The following NEK11 variants were observed in gnomAD, a reference collection of about 807,000 sequenced individuals.
The protein encoded by NEK11 is NIMA related kinase 11.
A neutral mutation model predicts 80.7 loss-of-function variants in NEK11; 72 were observed. The observed-to-expected ratio is 0.89, with a 90% confidence interval of 0.74 to 1.08. The LOEUF is 1.08. NEK11 is among the 50% of genes least tolerant of loss of function. The pLI, the probability that NEK11 is intolerant of heterozygous loss-of-function variation, is 0.00. For synonymous variants in NEK11, 251 were observed against 260.7 expected (o/e 0.96, Z 0.36); for missense variants, 764 against 763.6 (o/e 1.00, Z -0.01).
At chr3:131,245,808 T>C (rs936070249) in intron 16 of NEK11, among the ~76,000 whole-genome samples, 20 of 152,074 alleles carry the variant, frequency 1.3e-4, no homozygotes, top group African/African-American at 4.1e-4. Flanking sequence ...GGGGTTTTTT[T>C]GTTTTTTGTT....
chr3:131,247,119 T>C (rs2095615670), intron 16 of NEK11, among the ~76,000 whole-genome samples: 1 of 152,146 alleles, frequency 6.6e-6, no homozygotes, highest in Non-Finnish European at 1.5e-5. Context: ...GCTTTTTAGT[T>C]TAATTAAGTC....
chr3:131,255,195 A>G, intron 16 of NEK11, among the ~76,000 whole-genome samples: 1 of 152,210 alleles, frequency 6.6e-6, no homozygotes, highest in East Asian at 1.9e-4. Flanking sequence ...CTTGGCTCAT[A>G]ATGTAGTTAC....
At chr3:131,335,852 T>C (rs1321449357) in intron 17 of NEK11, among the ~76,000 whole-genome samples, 1 of 152,056 alleles carries the variant, frequency 6.6e-6, no homozygotes, top group Non-Finnish European at 1.5e-5. Flanking sequence ...AAATCATGAG[T>C]GAACTCCCAT....
chr3:131,282,273 G>T (rs1031183210), intron 17 of NEK11, among the ~76,000 whole-genome samples: 1 of 152,142 alleles, frequency 6.6e-6, no homozygotes, highest in Admixed American at 6.5e-5. Flanking sequence ...TCAGACATTA[G>T]TCTGGCATTA....
intron 4 of NEK11, among the ~76,000 whole-genome samples, chr3:131,096,515 A>C (rs1024998490): frequency 4.6e-5 from 7 of 152,034 alleles, no homozygotes; most frequent in Admixed American, 1.3e-4. Flanking sequence ...TTTTGGTAGA[A>C]TGATCTATTT....
chr3:131,342,635 G>A (rs1312249173), intron 17 of NEK11, among the ~76,000 whole-genome samples: 9 of 150,618 alleles, frequency 6.0e-5, no homozygotes, highest in Non-Finnish European at 5.9e-5. Context: ...AATTGTTTGA[G>A]GCTTCCAGTT....
intron 3 of NEK11, among the ~76,000 whole-genome samples, chr3:131,062,632 G>C: frequency 6.6e-6 from 1 of 152,148 alleles, no homozygotes; most frequent in East Asian, 1.9e-4. Flanking sequence ...GTGACTATAG[G>C]TAAGTCTTTT....
At position 131,205,987 on chromosome 3, in the gene NEK11, T is replaced by C. The variant is rs146236027; in HGVS notation, c.1400-22541T>C. ...TGTTGTCTGTGTCACAGGATAACCA[T>C]GGAATCACTGCGTATAAGTAAGGAA... On this transcript the variant is annotated intron_variant, in intron 14 of 17. Coordinates refer to ENST00000383366, the MANE Select transcript of NEK11 (RefSeq NM_024800.5). Among the ~76,000 whole-genome samples, 516 of 152,338 alleles carry C rather than the reference T, an allele frequency of 3.4e-3. 2 individuals are homozygous for C. The highest frequency in any genetic ancestry group is 0.011 in the African/African-American group (474 of 41,560).
At chr3:131,083,270 T>A (rs1006383733) in intron 4 of NEK11, among the ~76,000 whole-genome samples, 1 of 152,258 alleles carries the variant, frequency 6.6e-6, no homozygotes, top group African/African-American at 2.4e-5. Flanking sequence ...TTGCAGAGGA[T>A]CTCATCCGGA....
chr3:131,302,851 A>T (rs1032507495), intron 17 of NEK11, among the ~76,000 whole-genome samples: 2 of 152,104 alleles, frequency 1.3e-5, no homozygotes, highest in African/African-American at 4.8e-5. Flanking sequence ...AGTTCTGTAG[A>T]TGTCTGTCGG....
chr3:131,080,486 G>A lies in NEK11; in HGVS notation c.234G>A (p.Leu78=), dbSNP rs915955929. ...LNPNETVQAN[L]EAQLLSKLDH... Reference sequence around the variant, plus strand: ...CAAATGAAACTGTACAGGCCAATTTGGAAGCCCAACTCCTCTCCAAGCTGG... The same window carrying A: ...CAAATGAAACTGTACAGGCCAATTTAGAAGCCCAACTCCTCTCCAAGCTGG... Residue 78 remains leucine, a synonymous_variant, in exon 4 of 18, where the codon TTG becomes TTA. Coordinates refer to ENST00000383366, the MANE Select transcript of NEK11 (RefSeq NM_024800.5). 1 of 1,613,868 alleles carries A rather than the reference G, an allele frequency of 6.2e-7. No individual in the cohort carries two copies. The highest frequency in any genetic ancestry group is 8.5e-7 in the Non-Finnish European group (1 of 1,179,940).
intron 16 of NEK11, among the ~76,000 whole-genome samples, chr3:131,244,982 T>C (rs1235514818): frequency 2.0e-5 from 3 of 152,082 alleles, no homozygotes; most frequent in Admixed American, 6.6e-5. Context: ...GCAGTTTTCT[T>C]ACACAGATAT....
chr3:131,171,319 T>A (rs1046973279), intron 14 of NEK11, among the ~76,000 whole-genome samples: 1 of 152,152 alleles, frequency 6.6e-6, no homozygotes, highest in Non-Finnish European at 1.5e-5. Flanking sequence ...AAAATAAAAG[T>A]GCTCAGAGCA....
intron 14 of NEK11, among the ~76,000 whole-genome samples, chr3:131,197,614 A>G (rs2094070587): frequency 1.3e-5 from 2 of 152,162 alleles, no homozygotes; most frequent in Non-Finnish European, 2.9e-5. Flanking sequence ...TCTGATGGGT[A>G]CTATCAATGC....
At chr3:131,202,776 A>G (rs575813120) in intron 14 of NEK11, among the ~76,000 whole-genome samples, 2 of 152,348 alleles carry the variant, frequency 1.3e-5, no homozygotes, top group East Asian at 3.9e-4. Flanking sequence ...AAGGATATGA[A>G]CAGACACTTC....
At chr3:131,084,065 A>G (rs1314338488) in intron 4 of NEK11, among the ~76,000 whole-genome samples, 4 of 152,126 alleles carry the variant, frequency 2.6e-5, no homozygotes, top group Non-Finnish European at 1.5e-5. Flanking sequence ...TCTCATAATC[A>G]AAGTTTCCAA....
chr3:131,124,507 C>A (rs568811827), intron 5 of NEK11, among the ~76,000 whole-genome samples: 1 of 152,090 alleles, frequency 6.6e-6, no homozygotes, highest in East Asian at 1.9e-4. Flanking sequence ...CTACACCCCC[C>A]ACTTCCTTTA....
chr3:131,200,220 G>A (rs1426225763), intron 14 of NEK11, among the ~76,000 whole-genome samples: 1 of 152,158 alleles, frequency 6.6e-6, no homozygotes, highest in Non-Finnish European at 1.5e-5. Flanking sequence ...CTGAAAGAAA[G>A]TAACTTCCAA....
At chr3:131,316,737 C>A (rs1272748518) in intron 17 of NEK11, among the ~76,000 whole-genome samples, 2 of 152,114 alleles carry the variant, frequency 1.3e-5, no homozygotes, top group African/African-American at 2.4e-5. Context: ...TGCCAGCATC[C>A]AACACTGTCT....
Sources: allele counts gnomAD v4.1 joint callset (sites outside exome capture counted in the v4.1 genomes callset), GRCh38; gene constraint gnomAD v4.1.1; transcripts MANE v1.5; gene names NCBI Gene and HGNC (gene_info 2026-07-23, HGNC 2026-07-21).